PPP2R1A: variants seen among roughly 807,000 people sequenced by gnomAD.
PPP2R1A encodes the protein protein phosphatase 2 scaffold subunit Aalpha.
Under a neutral mutation model 67.1 loss-of-function variants are expected in PPP2R1A, and 15 were observed. The observed-to-expected ratio is 0.22, with a 90% CI of 0.15 to 0.34. The LOEUF (loss-of-function observed/expected upper bound fraction) is 0.34. PPP2R1A is among the 10% of genes least tolerant of loss of function. The pLI is 1.00. For missense variants in PPP2R1A, 369 were observed against 775.0 expected (o/e 0.48, Z 6.22); for synonymous variants, 337 against 325.0 (o/e 1.04, Z -0.40).
intron 2 of PPP2R1A, among the ~76,000 whole-genome samples, chr19:52,203,221 G>A (rs2089569058): frequency 6.6e-6 from 1 of 152,140 alleles, no homozygotes; most frequent in East Asian, 1.9e-4. Flanking sequence ...GCCTACAGTG[G>A]CACAGCTAGT....
At chr19:52,210,258 A>C (rs917697287) in intron 3 of PPP2R1A, among the ~76,000 whole-genome samples, 5 of 152,114 alleles carry the variant, frequency 3.3e-5, no homozygotes, top group African/African-American at 7.2e-5. Flanking sequence ...CTCTGGGGAT[A>C]CAGTGGAGAG....
At chr19:52,217,244 A>G (rs965379414) in intron 9 of PPP2R1A, among the ~76,000 whole-genome samples, 2 of 152,212 alleles carry the variant, frequency 1.3e-5, no homozygotes, top group Non-Finnish European at 2.9e-5. Context: ...TATTGCCCAC[A>G]CTGCAGTGCA....
intron 2 of PPP2R1A, among the ~76,000 whole-genome samples, chr19:52,203,905 T>A (rs4802904): frequency 0.47 from 72,071 of 151,928 alleles, 17,781 homozygotes; most frequent in African/African-American, 0.61. Flanking sequence ...TATAAAGGAT[T>A]TTGCAAAGGA....
chr19:52,190,380 C>T, intron 1 of PPP2R1A: 2 of 637,820 alleles, frequency 3.1e-6, no homozygotes, highest in Non-Finnish European at 2.8e-6. Flanking sequence ...CGGGGGCCAG[C>T]GCTAGCCTCG....
At chr19:52,204,578 C>T (rs1291130644) in intron 2 of PPP2R1A, among the ~76,000 whole-genome samples, 1 of 152,106 alleles carries the variant, frequency 6.6e-6, no homozygotes, top group East Asian at 1.9e-4. Flanking sequence ...AGCAGCATTG[C>T]TTGGCTATAA....
At position 52,216,030 on chromosome 19, in the gene PPP2R1A, T is replaced by A. The variant is rs1400950776; in HGVS notation, c.949T>A (p.Cys317Ser). ...GTTCTGTGAAAACCTCTCAGCTGAC[T>A]GTCGGGAGAATGTGATCATGTCCCA... ...KEFCENLSAD[C>S]RENVIMSQIL... Residue 317 changes from cysteine (C) to serine (S), a missense_variant, in exon 8 of 15, where the codon TGT (cysteine) becomes AGT (serine). Cys to Ser is a moderately radical substitution (Grantham distance 112). Coordinates refer to ENST00000322088, the MANE Select transcript of PPP2R1A (RefSeq NM_014225.6). The surrounding 1 kb of genome is among the most constrained non-coding windows in gnomAD (Gnocchi z 4.3). The A allele has an allele frequency of 2.5e-6, 4 of 1,614,086 alleles. No individual in the cohort carries two copies. The South Asian group carries it at 4.4e-5, about 18-fold the overall frequency.
At chr19:52,191,799 C>A (rs1184981859) in intron 1 of PPP2R1A, among the ~76,000 whole-genome samples, 1 of 152,076 alleles carries the variant, frequency 6.6e-6, no homozygotes, top group African/African-American at 2.4e-5. Flanking sequence ...TATACAGGAT[C>A]CAGATGTGAA....
chr19:52,197,161 A>G (rs149132279), intron 1 of PPP2R1A, among the ~76,000 whole-genome samples: 1 of 152,244 alleles, frequency 6.6e-6, no homozygotes, highest in African/African-American at 2.4e-5. Flanking sequence ...CTTACATTTA[A>G]CTTCCCTTCT....
Position 52,216,649 on chromosome 19 carries a change from C to A in PPP2R1A, c.1114C>A (p.Gln372Lys). 1 of 1,614,148 alleles carries A rather than the reference C, an allele frequency of 6.2e-7. No homozygotes were observed. The highest frequency in any genetic ancestry group is 8.5e-7 in the Non-Finnish European group (1 of 1,180,042). ...GCACCTCTTGCCCCTCTTCCTGGCT[C>A]AGCTGAAGGATGAGGTAAGGGCACC... Reference protein sequence around the residue: ...IEHLLPLFLAQLKDECPEVRL... With the variant: ...IEHLLPLFLAKLKDECPEVRL... The change falls in exon 9 of 15, where the codon CAG becomes AAG. Residue 372 changes from glutamine (Q) to lysine (K), a missense_variant. Gln to Lys is a moderately conservative substitution (Grantham distance 53). This residue lies in a region of PPP2R1A where 276 missense variants were observed against 508.4 expected (regional missense o/e 0.54). Transcript: ENST00000322088. The surrounding 1 kb of genome is among the most constrained non-coding windows in gnomAD (Gnocchi z 4.3).
At position 52,228,078 on chromosome 19, in the gene PPP2R1A, G is replaced by A. The variant is rs1410343769; in HGVS notation, c.*2097G>A. 2.0e-5 allele frequency: 3 copies of A among 152,272 alleles called. 1 individual carries two copies. The highest frequency in any genetic ancestry group is 1.3e-4 in the Admixed American group (2 of 15,278). 9.4% of individuals were successfully genotyped at this position (152,272 alleles called of 1,614,324 possible). A position where few individuals can be genotyped will look rare whatever the true frequency, so the allele number is the denominator to read the frequency against. The stretch of plus-strand genomic sequence containing the variant: ...CTCTTGAGAGTGAGGTTAATGCTAC[G>A]TGGGTCTAGGGCTGAGGATGTGCTA... On this transcript the variant is annotated 3_prime_UTR_variant, in exon 15 of 15. Transcript: ENST00000322088.
intron 1 of PPP2R1A, among the ~76,000 whole-genome samples, chr19:52,192,502 CTG>C (rs972512832): frequency 3.3e-5 from 5 of 152,008 alleles, no homozygotes; most frequent in African/African-American, 1.2e-4. Context: ...TTAGAAGAGA[CTG>C]GGTTTCCCGG....
At position 52,229,417 on chromosome 19, in the gene PPP2R1A, C is replaced by T. The variant is rs577073292; in HGVS notation, c.*3436C>T. 6.6e-6 allele frequency: 1 copy of T among 152,346 alleles called. No individual in the cohort carries two copies. Among genetic ancestry groups the T allele is most frequent in the African/African-American group, 2.4e-5 (1 of 41,504 alleles). 9.4% of individuals were successfully genotyped at this position (152,346 alleles called of 1,614,324 possible). A position where few individuals can be genotyped will look rare whatever the true frequency, so the allele number is the denominator to read the frequency against. The stretch of plus-strand genomic sequence containing the variant: ...CCTAGATTGGGCCATTGCACTCCAG[C>T]CAGGGTGACAGAGCAAGACCCCATA... On this transcript the variant is annotated 3_prime_UTR_variant, in exon 15 of 15. Coordinates refer to ENST00000322088, the MANE Select transcript of PPP2R1A (RefSeq NM_014225.6).
chr19:52,220,294 A>C, intron 11 of PPP2R1A, 45 bp downstream of exon 11: 1 of 1,593,998 alleles, frequency 6.3e-7, no homozygotes, highest in Admixed American at 1.7e-5. Flanking sequence ...GGAGCTCCAG[A>C]AAGGCAGGAT....
In PPP2R1A at chr19:52,211,274, G is replaced by A. The variant is rs142069409; in HGVS notation, c.285G>A (p.Ser95=). The A allele has an allele frequency of 5.4e-4, 877 of 1,612,472 alleles. No homozygotes were observed. Among genetic ancestry groups the A allele is most frequent in the Middle Eastern group, 1.2e-3 (6 of 4,872 alleles). The stretch of plus-strand genomic sequence containing the variant: ...TCTCACCACAGCCACCGCTGGAGTC[G>A]CTGGCCACAGTGGAGGAGACAGTGG... ...YVHCLLPPLE[S]LATVEETVVR... Residue 95 remains serine (S), a synonymous_variant, in exon 4 of 15, where the codon TCG becomes TCA. Transcript: ENST00000322088. This position sits in a 1 kb window ranked among gnomAD's most constrained non-coding sequence, Gnocchi z 5.3.
chr19:52,216,431 A>T lies in PPP2R1A; in HGVS notation c.994-98A>T. On this transcript the variant is annotated intron_variant, in intron 8 of 14. Transcript: ENST00000322088. This position sits in a 1 kb window ranked among gnomAD's most constrained non-coding sequence, Gnocchi z 4.3. ...CCCCTGCTCTATGAATGAGAGGGGC[A>T]GAAGCAGGTTATTGTCTCTTAGGAG... 6.9e-7 allele frequency: 1 copy of T among 1,457,822 alleles called. No individual in the cohort carries two copies. Among genetic ancestry groups the T allele is most frequent in the Non-Finnish European group, 9.4e-7 (1 of 1,060,760 alleles). The allele number at this position is 1,457,822 out of a possible 1,614,324, so 90.3% of individuals were successfully genotyped here.
Position 52,221,145 on chromosome 19 carries a change from AC to A in PPP2R1A, c.1518+14del, listed in dbSNP as rs1978901239. ...TCTTCTGCATCAATGTGAGCCTTCC[AC>A]CTGCCTGCTGGCCCATCCCTAGGGA... On this transcript the variant is annotated intron_variant, in intron 12 of 14. Coordinates refer to ENST00000322088, the MANE Select transcript of PPP2R1A (RefSeq NM_014225.6). 6.2e-7 allele frequency: 1 copy of A among 1,614,050 alleles called. No individual in the cohort carries two copies. Among genetic ancestry groups the A allele is most frequent in the Non-Finnish European group, 8.5e-7 (1 of 1,179,964 alleles).
At chr19:52,220,742 A>G (rs182817072) in intron 11 of PPP2R1A, among the ~76,000 whole-genome samples, 1 of 152,192 alleles carries the variant, frequency 6.6e-6, no homozygotes, top group Non-Finnish European at 1.5e-5. Context: ...TAGTTTGCCC[A>G]TCTGTAAAAT....
Position 52,212,496 on chromosome 19 carries a change from C to A in PPP2R1A, c.504-190C>A. The stretch of plus-strand genomic sequence containing the variant: ...TCACACACACTATTTTCATTTAAAC[C>A]TCATGCGGACCTGTGGGGTAGGTAC... On this transcript the variant is annotated intron_variant, in intron 4 of 14. Coordinates refer to ENST00000322088, the MANE Select transcript of PPP2R1A (RefSeq NM_014225.6). The surrounding 1 kb of genome is among the most constrained non-coding windows in gnomAD (Gnocchi z 4.1). 1 of 626,138 alleles carries A rather than the reference C, an allele frequency of 1.6e-6. No homozygotes were observed. The highest frequency in any genetic ancestry group is 2.7e-6 in the Non-Finnish European group (1 of 366,174). 38.8% of individuals were successfully genotyped at this position (626,138 alleles called of 1,614,324 possible).
chr19:52,205,811 G>C, intron 2 of PPP2R1A, 152 bp from the exon 3 acceptor site: 1 of 672,096 alleles, frequency 1.5e-6, no homozygotes. Flanking sequence ...AATATCTGTG[G>C]CAGCCCAGGT....
Sources: gnomAD v4.1 joint callset for allele counts (sites outside exome capture counted in the v4.1 genomes callset) on GRCh38, gnomAD v4.1.1 for gene constraint, gnomAD v4.1.1 regional missense constraint, Gnocchi (gnomAD v3.1) non-coding constraint, MANE v1.5 for transcripts, NCBI Gene and HGNC (gene_info 2026-07-23, HGNC 2026-07-21) for gene names.